Variants in MATN2 observed in about 807,000 individuals in gnomAD.
MATN2 encodes matrilin-2.
A neutral mutation model predicts 103.2 loss-of-function variants in MATN2; 69 were observed. That is an observed-to-expected ratio of 0.67 (90% confidence interval 0.55 to 0.82). The LOEUF (loss-of-function observed/expected upper bound fraction) is 0.82, where lower values mean the gene tolerates loss of function less well. Ranked by LOEUF, MATN2 falls within the 40% of genes least tolerant of loss-of-function variation. The probability of loss-of-function intolerance (pLI) is 0.00; values close to 1 mark genes in which losing one functional copy is unlikely to be tolerated. For synonymous variants in MATN2, 429 were observed against 450.2 expected, an observed-to-expected ratio of 0.95 and a Z score of 0.60; for missense variants, 1,023 against 1,211.5, an observed-to-expected ratio of 0.84 and a Z score of 2.31.
chr8:98,011,619 T>C (rs1813163169), intron 10 of MATN2, among the ~76,000 whole-genome samples: 1 of 152,220 alleles, frequency 6.6e-6, no homozygotes, highest in Non-Finnish European at 1.5e-5. Context: ...TAGCAAAGGA[T>C]TGGCTGCTGC....
chr8:97,887,969 G>C (rs1370101770), intron 1 of MATN2, 106 bp from the exon 2 acceptor site: 1 of 1,057,440 alleles, frequency 9.5e-7, no homozygotes, highest in Non-Finnish European at 1.3e-6. Context: ...AGTGCAAGTG[G>C]TCTGTTTGAA....
At chr8:97,971,235 A>T (rs1811645438) in intron 5 of MATN2, among the ~76,000 whole-genome samples, 3 of 152,214 alleles carry the variant, frequency 2.0e-5, no homozygotes, top group Admixed American at 2.0e-4. Context: ...TCAAGACTGG[A>T]AAGGTAAATT....
intron 2 of MATN2, among the ~76,000 whole-genome samples, chr8:97,926,209 G>A (rs1358263126): frequency 6.6e-6 from 1 of 152,120 alleles, no homozygotes; most frequent in Non-Finnish European, 1.5e-5. Flanking sequence ...CCCACAAACT[G>A]TCCTCCAACT....
intron 2 of MATN2, among the ~76,000 whole-genome samples, chr8:97,891,754 A>T (rs1056856497): frequency 1.3e-5 from 2 of 152,212 alleles, no homozygotes; most frequent in African/African-American, 2.4e-5. Flanking sequence ...TCAGAAATTT[A>T]AAAATAACAA....
intron 5 of MATN2, among the ~76,000 whole-genome samples, chr8:97,973,812 T>G (rs563198718): frequency 6.6e-6 from 1 of 152,080 alleles, no homozygotes; most frequent in South Asian, 2.1e-4. Flanking sequence ...TCAAGCAGTC[T>G]GCCTGCCTCG....
intron 4 of MATN2, among the ~76,000 whole-genome samples, chr8:97,943,762 C>G (rs1281222117): frequency 6.6e-6 from 1 of 152,178 alleles, no homozygotes; most frequent in Non-Finnish European, 1.5e-5. Flanking sequence ...GTGCCCTTCT[C>G]TTCTTAGGAG....
intron 3 of MATN2, among the ~76,000 whole-genome samples, chr8:97,940,949 A>T (rs1238116588): frequency 6.6e-6 from 1 of 152,116 alleles, no homozygotes; most frequent in Non-Finnish European, 1.5e-5. Flanking sequence ...GCTTGAGCCC[A>T]GGAGTTTGAG....
In MATN2 at chr8:98,033,142, T is replaced by C; in HGVS notation, c.2682T>C (p.Ser894=). ...YLFEEDNLLR[S]TQKLSHSTKP... is the part of the protein sequence containing the mutation. ...TTGAAGAAGACAATCTTTTACGGTC[T>C]ACACAAAAGCTTTCCCATTCAACAA... The change falls in exon 17 of 19, where the codon TCT becomes TCC. Residue 894 remains serine, a synonymous_variant. Transcript: ENST00000254898. 6.2e-7 allele frequency: 1 copy of C among 1,609,758 alleles called. No individual in the cohort carries two copies. Among genetic ancestry groups the C allele is most frequent in the Non-Finnish European group, 8.5e-7 (1 of 1,178,068 alleles).
At chr8:97,870,542 C>G (rs1253299388) in intron 1 of MATN2, among the ~76,000 whole-genome samples, 1 of 151,960 alleles carries the variant, frequency 6.6e-6, no homozygotes, top group African/African-American at 2.4e-5. Flanking sequence ...AAAGATATGG[C>G]AAGTAAAGTC....
At chr8:97,911,143 C>G (rs1216771105) in intron 2 of MATN2, among the ~76,000 whole-genome samples, 2 of 151,366 alleles carry the variant, frequency 1.3e-5, no homozygotes, top group Non-Finnish European at 2.9e-5. Context: ...CATGCGCCAC[C>G]AGGCCCAGCT....
intron 5 of MATN2, among the ~76,000 whole-genome samples, chr8:97,964,665 G>C (rs971106886): frequency 1.3e-5 from 2 of 152,016 alleles, no homozygotes; most frequent in African/African-American, 4.8e-5. Flanking sequence ...AATCTCCTGG[G>C]CTCAAGTGAT....
At chr8:97,975,303 G>A (rs759197520) in intron 5 of MATN2, among the ~76,000 whole-genome samples, 9 of 152,116 alleles carry the variant, frequency 5.9e-5, no homozygotes, top group Admixed American at 3.9e-4. Flanking sequence ...TGAAACACCC[G>A]AGCCAATTTG....
At chr8:97,920,269 G>A (rs1000164807) in intron 2 of MATN2, among the ~76,000 whole-genome samples, 6 of 152,136 alleles carry the variant, frequency 3.9e-5, no homozygotes, top group East Asian at 3.8e-4. Context: ...GTGTAGGGGC[G>A]TGATCTCGAC....
rs1393549772 is a variant in MATN2 at position 98,032,287 on chromosome 8, G to C, written c.2551G>C (p.Glu851Gln). The change falls in exon 16 of 19, where the codon GAA (glutamate) becomes CAA (glutamine). Residue 851 changes from glutamate to glutamine, a missense_variant. Transcript: ENST00000254898. ...TGGAAGACAGGACTCTCCAGCAGGG[G>C]AACTGCCAAAAACGGTCCAACAGCC... The part of the protein sequence containing the change: ...SDGRQDSPAG[E>Q]LPKTVQQPTE... The C allele has an allele frequency of 6.2e-7, 1 of 1,611,980 alleles. No individual in the cohort carries two copies. The highest frequency in any genetic ancestry group is 8.5e-7 in the Non-Finnish European group (1 of 1,178,956).
intron 2 of MATN2, among the ~76,000 whole-genome samples, chr8:97,898,813 G>A (rs921820714): frequency 3.3e-5 from 5 of 152,046 alleles, no homozygotes; most frequent in South Asian, 2.1e-4. Flanking sequence ...GCAGTGGTGC[G>A]ATCATGGCTC....
intron 2 of MATN2, among the ~76,000 whole-genome samples, chr8:97,914,777 C>T (rs1809566808): frequency 6.6e-6 from 1 of 152,176 alleles, no homozygotes; most frequent in Non-Finnish European, 1.5e-5. Flanking sequence ...GCGTGTGCAT[C>T]CCACTCTGTT....
chr8:97,921,848 A>G (rs1455708877), intron 2 of MATN2, among the ~76,000 whole-genome samples: 1 of 152,168 alleles, frequency 6.6e-6, no homozygotes, highest in Admixed American at 6.5e-5. Context: ...TAAAATGCGT[A>G]CAGCCGGGGT....
intron 3 of MATN2, among the ~76,000 whole-genome samples, chr8:97,934,914 A>G (rs1290550913): frequency 6.6e-6 from 1 of 152,206 alleles, no homozygotes; most frequent in Non-Finnish European, 1.5e-5. Context: ...TGCATTACTC[A>G]GCTTTTAGCT....
At chr8:98,024,034 C>T (rs1206257473) in intron 13 of MATN2, among the ~76,000 whole-genome samples, 1 of 152,016 alleles carries the variant, frequency 6.6e-6, no homozygotes, top group Non-Finnish European at 1.5e-5. Flanking sequence ...ACACCGGGGC[C>T]TGTTGGGGGT....
Sources: gnomAD v4.1 joint callset for allele counts (sites outside exome capture counted in the v4.1 genomes callset) on GRCh38, gnomAD v4.1.1 for gene constraint, MANE v1.5 for transcripts, NCBI Gene and HGNC (gene_info 2026-07-23, HGNC 2026-07-21) for gene names.